EYA1: variants seen among roughly 807,000 people sequenced by gnomAD.
EYA1 encodes protein phosphatase EYA1.
In EYA1, 16 loss-of-function variants were observed where a neutral mutation model predicts 82.0. The ratio of observed to expected loss-of-function variants is 0.20; its 90% CI spans 0.13 to 0.30. The LOEUF is 0.30. EYA1 is among the 10% of genes least tolerant of loss of function. EYA1 has a pLI of 1.00. For synonymous variants in EYA1, 261 were observed against 264.4 expected (o/e 0.99, Z 0.12); for missense variants, 633 against 730.7 (o/e 0.87, Z 1.54).
rs1422583050 is a variant in EYA1, at chr8:71,321,863, T to C, written c.289A>G (p.Ile97Val). The C allele has an allele frequency of 1.9e-6, 3 of 1,614,200 alleles. No homozygotes were observed. In the Admixed American group the frequency reaches 5.0e-5, roughly 27 times the overall value. Residue 97 changes from isoleucine to valine, a missense_variant, in exon 6 of 18, where the codon ATT becomes GTT. Physicochemically the swap from Ile to Val is conservative, Grantham distance 29. Coordinates refer to ENST00000340726, the MANE Select transcript of EYA1 (RefSeq NM_000503.6). ...IYPSNRPYPH[I>V]LPTPSSQTMA... ...GTTTGTGAGGAAGGGGTAGGGAGAA[T>C]ATGTGGGTATGGTCTGCTATTTGTC... is the stretch of plus-strand genomic sequence containing the variant.
chr8:71,296,192 T>C (rs933652459), intron 9 of EYA1, among the ~76,000 whole-genome samples: 3 of 152,182 alleles, frequency 2.0e-5, no homozygotes, highest in African/African-American at 7.2e-5. Flanking sequence ...GTTATATTAT[T>C]TTTAACGTAT....
rs1386688721 is a variant in EYA1 at position 71,198,678 on chromosome 8, AACT to A, written c.*659_*661del. ...ATACGTTTAAATTAGACATACTTAA[AACT>A]ACTATGCAATGTGCTAAAATTCAAA... On this transcript the variant is annotated 3_prime_UTR_variant, in exon 18 of 18. Transcript: ENST00000340726. 1 of 153,564 alleles carries A rather than the reference AACT, an allele frequency of 6.5e-6. No individual in the cohort carries two copies. Among genetic ancestry groups the A allele is most frequent in the Non-Finnish European group, 1.5e-5 (1 of 68,732 alleles). The allele number at this position is 153,564 out of a possible 1,614,324, so 9.5% of individuals were successfully genotyped here.
At chr8:71,514,902 C>G (rs1812854682) in intron 2 of EYA1, among the ~76,000 whole-genome samples, 1 of 152,010 alleles carries the variant, frequency 6.6e-6, no homozygotes, top group South Asian at 2.1e-4. Context: ...TTTCAATGTA[C>G]AATTTTTATA....
chr8:71,447,672 C>T (rs1199487908), intron 2 of EYA1, among the ~76,000 whole-genome samples: 1 of 152,122 alleles, frequency 6.6e-6, no homozygotes, highest in African/African-American at 2.4e-5. Context: ...AAGCAAGTCA[C>T]ACAAAATTTT....
At chr8:71,495,403 C>T (rs1811339171) in intron 2 of EYA1, among the ~76,000 whole-genome samples, 1 of 152,116 alleles carries the variant, frequency 6.6e-6, no homozygotes, top group South Asian at 2.1e-4. Context: ...CACTTGAGGT[C>T]AGGAGTTCGA....
intron 2 of EYA1, among the ~76,000 whole-genome samples, chr8:71,379,002 G>C (rs899692621): frequency 6.6e-6 from 1 of 152,128 alleles, no homozygotes; most frequent in Non-Finnish European, 1.5e-5. Context: ...GTGAATGGGG[G>C]AATTCCTTTC....
chr8:71,446,520 A>C (rs1470131341), intron 2 of EYA1, among the ~76,000 whole-genome samples: 2 of 152,150 alleles, frequency 1.3e-5, no homozygotes, highest in African/African-American at 4.8e-5. Flanking sequence ...GCAGTGCGAA[A>C]ATGGACTATT....
intron 17 of EYA1, 85 bp downstream of exon 17, chr8:71,211,071 G>A (rs1423088375): frequency 1.2e-5 from 10 of 859,414 alleles, no homozygotes; most frequent in African/African-American, 8.3e-5. Flanking sequence ...TCACATAAAT[G>A]GAACCTGTTT....
At chr8:71,475,143 A>C (rs1333032866) in intron 2 of EYA1, among the ~76,000 whole-genome samples, 1 of 152,190 alleles carries the variant, frequency 6.6e-6, no homozygotes, top group African/African-American at 2.4e-5. Context: ...AAAAATAAAT[A>C]AATAGAAAAG....
At chr8:71,355,806 G>A (rs572733427) in intron 2 of EYA1, among the ~76,000 whole-genome samples, 1 of 152,300 alleles carries the variant, frequency 6.6e-6, no homozygotes, top group East Asian at 1.9e-4. Context: ...CACTACTCAT[G>A]TTCACAATTT....
chr8:71,477,406 G>A (rs1028094513), intron 2 of EYA1, among the ~76,000 whole-genome samples: 1 of 152,028 alleles, frequency 6.6e-6, no homozygotes, highest in African/African-American at 2.4e-5. Context: ...AATGGGCAAT[G>A]GGTTTGTGTA....
intron 2 of EYA1, among the ~76,000 whole-genome samples, chr8:71,401,269 C>T (rs182550471): frequency 3.9e-4 from 60 of 152,316 alleles, no homozygotes; most frequent in African/African-American, 1.4e-3. Flanking sequence ...ATGTCCTGCA[C>T]ATGTATCCCA....
chr8:71,217,944 G>C (rs1257270752), intron 12 of EYA1, among the ~76,000 whole-genome samples: 1 of 152,132 alleles, frequency 6.6e-6, no homozygotes, highest in Non-Finnish European at 1.5e-5. Flanking sequence ...ATTGTGGGAA[G>C]AACAGGCACT....
intron 7 of EYA1, among the ~76,000 whole-genome samples, chr8:71,307,253 C>T (rs773058251): frequency 1.6e-4 from 25 of 152,088 alleles, no homozygotes; most frequent in Non-Finnish European, 2.2e-4. Context: ...ATTTCTCAGA[C>T]TTTATCTGGA....
chr8:71,426,759 A>G (rs1805262230), intron 2 of EYA1, among the ~76,000 whole-genome samples: 1 of 152,180 alleles, frequency 6.6e-6, no homozygotes, highest in African/African-American at 2.4e-5. Flanking sequence ...AAATTCCCAA[A>G]TCTAACCTCC....
chr8:71,307,677 T>C (rs12156200), intron 7 of EYA1, among the ~76,000 whole-genome samples: 1 of 152,226 alleles, frequency 6.6e-6, no homozygotes, highest in Non-Finnish European at 1.5e-5. Context: ...TAAGTATCCA[T>C]GGATTTTTAC....
At chr8:71,288,483 T>C (rs1256507299) in intron 9 of EYA1, among the ~76,000 whole-genome samples, 1 of 152,230 alleles carries the variant, frequency 6.6e-6, no homozygotes, top group Non-Finnish European at 1.5e-5. Flanking sequence ...TTAATCTTTC[T>C]GGATTCCTTA....
At chr8:71,397,063 G>C (rs1192308802) in intron 2 of EYA1, among the ~76,000 whole-genome samples, 1 of 152,060 alleles carries the variant, frequency 6.6e-6, no homozygotes, top group Non-Finnish European at 1.5e-5. Context: ...TGTCTCTTTT[G>C]ATCTTTGTTG....
intron 17 of EYA1, among the ~76,000 whole-genome samples, chr8:71,203,642 TCTAA>T (rs1328929411): frequency 1.3e-5 from 2 of 152,142 alleles, no homozygotes; most frequent in Admixed American, 6.6e-5. Context: ...ACTTGGAATA[TCTAA>T]CTAAGGAGTT....
Sources: allele counts gnomAD v4.1 joint callset (sites outside exome capture counted in the v4.1 genomes callset), GRCh38; gene constraint gnomAD v4.1.1; transcripts MANE v1.5; gene names NCBI Gene and HGNC (gene_info 2026-07-23, HGNC 2026-07-21).